The following TRAPPC13 variants were observed in gnomAD, a reference collection of about 807,000 sequenced individuals.
TRAPPC13 encodes trafficking protein particle complex subunit 13.
TRAPPC13 carries 39 observed loss-of-function variants against 54.0 expected under a neutral mutation model. The observed-to-expected ratio is 0.72, with a 90% CI of 0.56 to 0.94. The LOEUF is 0.94. Among genes scored for constraint, TRAPPC13 ranks in the 40% least tolerant of loss-of-function variants. The pLI is 0.00. For missense variants in TRAPPC13, 386 were observed against 488.1 expected, an observed-to-expected ratio of 0.79 and a Z score of 1.97; for synonymous variants, 148 against 167.7, an observed-to-expected ratio of 0.88 and a Z score of 0.91.
At chr5:65,658,742 A>T (rs528854615) in intron 9 of TRAPPC13, among the ~76,000 whole-genome samples, 11 of 150,078 alleles carry the variant, frequency 7.3e-5, no homozygotes, top group South Asian at 4.2e-4. Context: ...TTATTTATTT[A>T]TTTTTTGAAA....
chr5:65,652,253 G>A (rs1756486780), intron 6 of TRAPPC13, among the ~76,000 whole-genome samples: 2 of 150,984 alleles, frequency 1.3e-5, no homozygotes, highest in Admixed American at 6.6e-5. Flanking sequence ...ATATTATGGA[G>A]CAAAAACCCA....
intron 6 of TRAPPC13, among the ~76,000 whole-genome samples, chr5:65,651,229 C>T (rs941219647): frequency 1.3e-5 from 2 of 152,198 alleles, no homozygotes; most frequent in East Asian, 3.9e-4. Flanking sequence ...ATAGCCCAGA[C>T]AACATGACCT....
chr5:65,633,688 C>T (rs1049354823), intron 1 of TRAPPC13, among the ~76,000 whole-genome samples: 1 of 151,756 alleles, frequency 6.6e-6, no homozygotes, highest in African/African-American at 2.4e-5. Flanking sequence ...TGTGGTCAAA[C>T]GACAGTCTTT....
chr5:65,634,949 T>C lies in TRAPPC13; in HGVS notation c.47-352T>C, dbSNP rs1049344715. ...GTTTCCAAAGTTAATATTTTGTTGATATTGTTTATGGTGAAATCACTTAGA... is the reference window on the plus strand; with the variant it reads ...GTTTCCAAAGTTAATATTTTGTTGACATTGTTTATGGTGAAATCACTTAGA... On this transcript the variant is annotated intron_variant, in intron 1 of 12. Transcript: ENST00000399438. The C allele has an allele frequency of 3.4e-5, 31 of 907,368 alleles. No homozygotes were observed. In the African/African-American group the frequency reaches 5.4e-4, roughly 16 times the overall value. 56.2% of individuals were successfully genotyped at this position (907,368 alleles called of 1,614,324 possible).
intron 4 of TRAPPC13, among the ~76,000 whole-genome samples, chr5:65,643,619 C>A (rs1756062735): frequency 6.6e-6 from 1 of 151,804 alleles, no homozygotes; most frequent in African/African-American, 2.4e-5. Context: ...GAGATCAAGA[C>A]CATCCTGGCT....
chr5:65,645,198 CAAAAAA>C (rs71610504), intron 4 of TRAPPC13, among the ~76,000 whole-genome samples: 1 of 108,778 alleles, frequency 9.2e-6, no homozygotes, highest in African/African-American at 3.5e-5. Flanking sequence ...AACTCTGTCT[CAAAAAA>C]AAAAAAAAAA....
chr5:65,635,926 GT>G lies in TRAPPC13; in HGVS notation c.116-13del. 2.7e-6 allele frequency: 4 copies of G among 1,506,448 alleles called. No individual in the cohort carries two copies. The highest frequency in any genetic ancestry group is 3.6e-6 in the Non-Finnish European group (4 of 1,108,212). 93.3% of individuals were successfully genotyped at this position (1,506,448 alleles called of 1,614,324 possible). ...TAAAGGGTAGATGTTAGAATTTTAT[GT>G]TTTTCTCTTCATTCAGGAGATCTCT... On this transcript the variant is annotated splice_polypyrimidine_tract_variant and intron_variant, in intron 2 of 12. Coordinates refer to ENST00000399438, the MANE Select transcript of TRAPPC13 (RefSeq NM_024941.4).
intron 4 of TRAPPC13, among the ~76,000 whole-genome samples, chr5:65,643,536 C>T (rs922986519): frequency 1.3e-5 from 2 of 151,738 alleles, no homozygotes; most frequent in Non-Finnish European, 2.9e-5. Flanking sequence ...ACTGCTGTTT[C>T]GGCTGGGTGG....
At chr5:65,653,816 T>G (rs1458591730) in intron 7 of TRAPPC13, among the ~76,000 whole-genome samples, 1 of 152,160 alleles carries the variant, frequency 6.6e-6, no homozygotes, top group East Asian at 1.9e-4. Flanking sequence ...AAGTTGATGT[T>G]TCTTTTGTGG....
intron 8 of TRAPPC13, among the ~76,000 whole-genome samples, chr5:65,657,613 G>A (rs1207905441): frequency 6.6e-6 from 1 of 152,064 alleles, no homozygotes; most frequent in Non-Finnish European, 1.5e-5. Context: ...AGCATAATTA[G>A]GGGAATTAAT....
At chr5:65,652,572 T>A (rs1365636508) in intron 7 of TRAPPC13, 27 bp downstream of exon 7, 2 of 1,546,900 alleles carry the variant, frequency 1.3e-6, no homozygotes, top group African/African-American at 2.7e-5. Flanking sequence ...TAATGGGATT[T>A]CATATTAAAC....
intron 4 of TRAPPC13, among the ~76,000 whole-genome samples, chr5:65,646,024 G>A (rs1054058867): frequency 2.6e-5 from 4 of 151,994 alleles, no homozygotes; most frequent in Admixed American, 2.0e-4. Flanking sequence ...ATGCTATAGT[G>A]GTGAGCAAGA....
At chr5:65,647,459 G>A (rs192591624) in intron 5 of TRAPPC13, among the ~76,000 whole-genome samples, 16 of 152,190 alleles carry the variant, frequency 1.1e-4, no homozygotes, top group African/African-American at 3.9e-4. Flanking sequence ...AACCCAGGTA[G>A]CACTCTAAAA....
At chr5:65,647,667 G>T (rs934470655) in intron 5 of TRAPPC13, among the ~76,000 whole-genome samples, 2 of 151,682 alleles carry the variant, frequency 1.3e-5, no homozygotes, top group Admixed American at 6.6e-5. Flanking sequence ...GAATGTGAAC[G>T]CTCTATTTTT....
chr5:65,645,212 A>G (rs1756139292), intron 4 of TRAPPC13, among the ~76,000 whole-genome samples: 2 of 151,806 alleles, frequency 1.3e-5, no homozygotes, highest in Admixed American at 6.6e-5. Context: ...AAAAAAAAAA[A>G]AAGAATTTTG....
At chr5:65,631,522 CT>C (rs1755542078) in intron 1 of TRAPPC13, among the ~76,000 whole-genome samples, 3 of 152,184 alleles carry the variant, frequency 2.0e-5, no homozygotes, top group South Asian at 4.1e-4. Flanking sequence ...TCCTCACCCC[CT>C]GCCACCTTCT....
intron 4 of TRAPPC13, among the ~76,000 whole-genome samples, chr5:65,638,938 G>T (rs995878512): frequency 6.6e-6 from 1 of 152,082 alleles, no homozygotes; most frequent in African/African-American, 2.4e-5. Flanking sequence ...ACAGAAATTA[G>T]CCAGGAGTGG....
At chr5:65,629,987 A>G (rs1755459722) in intron 1 of TRAPPC13, 1 of 1,535,958 alleles carries the variant, frequency 6.5e-7, no homozygotes, top group Non-Finnish European at 8.7e-7. Flanking sequence ...ATCTTGGAGT[A>G]TTTCCCTTCC....
chr5:65,629,054 T>C (rs16894129), intron 1 of TRAPPC13, among the ~76,000 whole-genome samples: 4,533 of 152,282 alleles, frequency 0.03, 222 homozygotes, highest in African/African-American at 0.1. Context: ...GATTTCATTG[T>C]CCTCAATTTA....
Sources: allele counts gnomAD v4.1 joint callset (sites outside exome capture counted in the v4.1 genomes callset), GRCh38; gene constraint gnomAD v4.1.1; transcripts MANE v1.5; gene names NCBI Gene and HGNC (gene_info 2026-07-23, HGNC 2026-07-21).